MED13L: variants seen among roughly 807,000 people sequenced by gnomAD.
MED13L encodes the protein mediator complex subunit 13L.
In MED13L, 7 loss-of-function variants were observed where a neutral mutation model predicts 220.9. The ratio of observed to expected loss-of-function variants is 0.03; its 90% confidence interval spans 0.02 to 0.06. The LOEUF (loss-of-function observed/expected upper bound fraction) is 0.06, where lower values mean the gene tolerates loss of function less well. Ranked by LOEUF, MED13L falls within the 10% of genes least tolerant of loss-of-function variation. MED13L has a pLI of 1.00. For missense variants in MED13L, 1,965 were observed against 2,760.5 expected, an observed-to-expected ratio of 0.71 and a Z score of 6.46; for synonymous variants, 1,011 against 1,015.2, an observed-to-expected ratio of 1.00 and a Z score of 0.08.
At chr12:116,255,951 C>G (rs1872004658) in intron 1 of MED13L, among the ~76,000 whole-genome samples, 1 of 151,942 alleles carries the variant, frequency 6.6e-6, no homozygotes, top group African/African-American at 2.4e-5. Context: ...CAAATATGCC[C>G]AAATCTGAAA....
chr12:116,193,024 G>A (rs1405485705), intron 2 of MED13L, among the ~76,000 whole-genome samples: 1 of 152,118 alleles, frequency 6.6e-6, no homozygotes, highest in Non-Finnish European at 1.5e-5. Context: ...GCTACTCAGG[G>A]GGCTGACAGA....
chr12:116,006,654 G>A (rs1163717064), intron 11 of MED13L, among the ~76,000 whole-genome samples: 2 of 152,168 alleles, frequency 1.3e-5, no homozygotes, highest in Non-Finnish European at 2.9e-5. Flanking sequence ...AGTGTTTTAT[G>A]CCTAAGCAGT....
In MED13L at chr12:116,015,192, T is replaced by C. The variant is rs374150159; in HGVS notation, c.1092A>G (p.Arg364=). 7 of 1,613,790 alleles carry C rather than the reference T, an allele frequency of 4.3e-6. No individual in the cohort carries two copies. In the African/African-American group the frequency reaches 9.3e-5, roughly 22 times the overall value. ...GGAGTTTTGGAGGAATCTTCCCCGA[T>C]CTCTTTGGACTGTGCATCGTTATCA... is the stretch of plus-strand genomic sequence containing the variant. The part of the protein sequence containing the change: ...GGMITMHSPK[R]SGKIPPKLHN... Residue 364 remains arginine (R), a synonymous_variant, in exon 8 of 31, where the codon AGA becomes AGG. Transcript: ENST00000281928.
Position 116,152,772 on chromosome 12 carries a change from AG to A in MED13L, c.311-41261del, listed in dbSNP as rs1878146998. Among the ~76,000 whole-genome samples, 3 of 152,306 alleles carry A rather than the reference AG, an allele frequency of 2.0e-5. No homozygotes were observed. The South Asian group carries it at 6.2e-4, about 32-fold the overall frequency. ...TTAAAAATGCATGCTAAAATACGAT[AG>A]GTTATGGTTTATGAGACTTGCTTTA... On this transcript the variant is annotated intron_variant, in intron 2 of 30. Coordinates refer to ENST00000281928, the MANE Select transcript of MED13L (RefSeq NM_015335.5).
At chr12:116,276,850 G>C in intron 1 of MED13L, 1 of 1,013,346 alleles carries the variant, frequency 9.9e-7, no homozygotes, top group Non-Finnish European at 1.4e-6. Context: ...GCTCACAAAT[G>C]ATTTTTAAAG....
intron 1 of MED13L, among the ~76,000 whole-genome samples, chr12:116,253,164 A>C (rs1484570023): frequency 8.4e-6 from 1 of 119,420 alleles, no homozygotes; most frequent in African/African-American, 3.3e-5. Flanking sequence ...TGGGAGGCTG[A>C]GGCAGGAGAA....
Position 116,065,504 on chromosome 12 carries a change from C to G in MED13L, c.479+31165G>C, listed in dbSNP as rs1869851467. Among the ~76,000 whole-genome samples the G allele has an allele frequency of 2.0e-5, 3 of 152,250 alleles. No individual in the cohort carries two copies. The South Asian group carries it at 6.2e-4, about 32-fold the overall frequency. On this transcript the variant is annotated intron_variant, in intron 4 of 30. Coordinates refer to ENST00000281928, the MANE Select transcript of MED13L (RefSeq NM_015335.5). The stretch of plus-strand genomic sequence containing the variant: ...AAATTATGTAAAATATGAGATACCA[C>G]ATTAATAAATTTCCCTCCAAGGCAA...
intron 3 of MED13L, among the ~76,000 whole-genome samples, chr12:116,101,429 G>GA (rs1873056116): frequency 6.6e-6 from 1 of 152,180 alleles, no homozygotes; most frequent in Non-Finnish European, 1.5e-5. Context: ...TATTCATAAT[G>GA]TAATGCTGGC....
chr12:116,021,509 A>G (rs1413411554), intron 5 of MED13L, among the ~76,000 whole-genome samples: 2 of 152,140 alleles, frequency 1.3e-5, no homozygotes, highest in Non-Finnish European at 2.9e-5. Context: ...GTTTTATTAT[A>G]TTTGGGGCAA....
intron 1 of MED13L, among the ~76,000 whole-genome samples, chr12:116,244,637 C>T (rs546723827): frequency 6.6e-6 from 1 of 152,110 alleles, no homozygotes; most frequent in South Asian, 2.1e-4. Flanking sequence ...TAAATAAGAA[C>T]AACTGGTTAA....
chr12:116,031,752 A>AGGAAGGAAGGAAGGAAGGAAGG lies in MED13L; in HGVS notation c.480-9152_480-9151insCCTTCCTTCCTTCCTTCCTTCC, dbSNP rs1352617205. On this transcript the variant is annotated intron_variant, in intron 4 of 30. Transcript: ENST00000281928. Reference sequence around the variant, plus strand: ...AAAGAAAAGAAAAGAAAAGAAAAGAAAAGAAAAGAAGGAAGGAAGGAAGGA... The same window carrying AGGAAGGAAGGAAGGAAGGAAGG: ...AAAGAAAAGAAAAGAAAAGAAAAGAAGGAAGGAAGGAAGGAAGGAAGGAAGAAAAGAAGGAAGGAAGGAAGGA... Among the ~76,000 whole-genome samples the AGGAAGGAAGGAAGGAAGGAAGG allele has an allele frequency of 4.1e-4, 13 of 31,496 alleles. 4 individuals are homozygous for AGGAAGGAAGGAAGGAAGGAAGG. The highest frequency in any genetic ancestry group is 6.7e-4 in the Non-Finnish European group (12 of 17,928). The allele number at this position is 31,496 out of a possible 152,430, so 20.7% of individuals were successfully genotyped here.
rs150290770 is a variant in MED13L, at chr12:116,145,685, A to G, written c.311-34173T>C. Among the ~76,000 whole-genome samples the G allele has an allele frequency of 5.6e-3, 764 of 135,326 alleles. 4 individuals are homozygous for G. The highest frequency in any genetic ancestry group is 8.6e-3 in the Non-Finnish European group (568 of 66,078). 88.8% of individuals were successfully genotyped at this position (135,326 alleles called of 152,430 possible). A position where few individuals can be genotyped will look rare whatever the true frequency, so the allele number is the denominator to read the frequency against. ...TATTTATTTATTTATTTATTTATTT[A>G]TTTATTTATTTATTTATTTTAAATT... On this transcript the variant is annotated intron_variant, in intron 2 of 30. Coordinates refer to ENST00000281928, the MANE Select transcript of MED13L (RefSeq NM_015335.5).
At chr12:116,237,784 C>G in intron 1 of MED13L, 79 bp from the exon 2 acceptor site, 2 of 1,198,460 alleles carry the variant, frequency 1.7e-6, no homozygotes, top group Non-Finnish European at 2.5e-6. Context: ...TACAGAAAAG[C>G]AATTGTGCTA....
At chr12:115,967,106 G>C (rs943417919) in intron 28 of MED13L, among the ~76,000 whole-genome samples, 4 of 142,626 alleles carry the variant, frequency 2.8e-5, no homozygotes, top group Non-Finnish European at 6.0e-5. Flanking sequence ...AGGAGGCAAA[G>C]GTTGCAGTGA....
intron 2 of MED13L, among the ~76,000 whole-genome samples, chr12:116,217,778 T>TA (rs1278406107): frequency 6.6e-6 from 1 of 152,186 alleles, no homozygotes; most frequent in Non-Finnish European, 1.5e-5. Flanking sequence ...ACCTGGCCCT[T>TA]ATTTGAAGTG....
chr12:116,174,475 C>CGTTTTT (rs1374804171), intron 2 of MED13L: 1 of 149,830 alleles, frequency 6.7e-6, no homozygotes, highest in African/African-American at 2.4e-5. Flanking sequence ...TTTACAAACT[C>CGTTTTT]GTTTTTGTTT....
rs565120288 is a variant in MED13L, at chr12:116,150,449, T to G, written c.311-38937A>C. ...CTTGTCATAATTTAGTAAACTAAACTTCTATAATCAATGAGGTGGGAAAGA... is the reference window on the plus strand; with the variant it reads ...CTTGTCATAATTTAGTAAACTAAACGTCTATAATCAATGAGGTGGGAAAGA... On this transcript the variant is annotated intron_variant, in intron 2 of 30. Coordinates refer to ENST00000281928, the MANE Select transcript of MED13L (RefSeq NM_015335.5). Among the ~76,000 whole-genome samples the G allele has an allele frequency of 2.0e-5, 3 of 152,312 alleles. No homozygotes were observed. The South Asian group carries it at 6.2e-4, about 32-fold the overall frequency.
intron 4 of MED13L, among the ~76,000 whole-genome samples, chr12:116,059,130 C>T (rs931182224): frequency 1.1e-4 from 17 of 152,174 alleles, no homozygotes; most frequent in South Asian, 2.1e-4. Context: ...TGCAGTCACG[C>T]GATCATGGCT....
chr12:116,237,384 A>G, intron 2 of MED13L, 84 bp downstream of exon 2: 9 of 1,094,294 alleles, frequency 8.2e-6, no homozygotes. Context: ...TCTTTTAGAC[A>G]AGTCTTAATA....
Sources: allele counts gnomAD v4.1 joint callset (sites outside exome capture counted in the v4.1 genomes callset), GRCh38; gene constraint gnomAD v4.1.1; transcripts MANE v1.5; gene names NCBI Gene and HGNC (gene_info 2026-07-23, HGNC 2026-07-21).